Variants in SUSD4 observed in about 807,000 individuals in gnomAD.
SUSD4 encodes the protein sushi domain containing 4.
Under a neutral mutation model 50.5 loss-of-function variants are expected in SUSD4, and 41 were observed. The observed-to-expected ratio is 0.81, with a 90% CI of 0.63 to 1.05. The LOEUF (loss-of-function observed/expected upper bound fraction) is 1.05, where lower values mean the gene tolerates loss of function less well. Ranked by LOEUF, SUSD4 falls within the 50% of genes least tolerant of loss-of-function variation. The pLI is 0.00. For synonymous variants in SUSD4, 257 were observed against 257.3 expected, an observed-to-expected ratio of 1.00 and a Z score of 0.01; for missense variants, 580 against 634.7, an observed-to-expected ratio of 0.91 and a Z score of 0.93.
At chr1:223,345,444 T>G (rs1667976299) in intron 2 of SUSD4, among the ~76,000 whole-genome samples, 1 of 152,098 alleles carries the variant, frequency 6.6e-6, no homozygotes, top group South Asian at 2.1e-4. Context: ...GCCCTGACGC[T>G]CCCTCTGATC....
intron 3 of SUSD4, among the ~76,000 whole-genome samples, chr1:223,281,265 C>T (rs1240141947): frequency 6.6e-6 from 1 of 151,926 alleles, no homozygotes; most frequent in African/African-American, 2.4e-5. Context: ...AATAGAGGCA[C>T]AAAAAACCCT....
intron 3 of SUSD4, among the ~76,000 whole-genome samples, chr1:223,287,488 A>G (rs1463137853): frequency 6.6e-6 from 1 of 152,100 alleles, no homozygotes; most frequent in Non-Finnish European, 1.5e-5. Context: ...CAGAGGAAGA[A>G]TTTCCTGAAA....
rs1416652470 is a variant in SUSD4, at chr1:223,332,014, A to T, written c.148+31264T>A. On this transcript the variant is annotated intron_variant, in intron 2 of 8. Transcript: ENST00000366878. This position sits in a 1 kb window ranked among gnomAD's most constrained non-coding sequence, Gnocchi z 4.0. ...CCTGTGTTCTGCTTCATGAAATCCC[A>T]ATGTGGCATTTCTGGAGGGCTTCCT... 6.6e-6 allele frequency among the ~76,000 whole-genome samples: 1 copy of T among 152,174 alleles called. No homozygotes were observed. Among genetic ancestry groups the T allele is most frequent in the East Asian group, 1.9e-4 (1 of 5,188 alleles).
chr1:223,344,776 C>T (rs1667940882), intron 2 of SUSD4, among the ~76,000 whole-genome samples: 1 of 152,170 alleles, frequency 6.6e-6, no homozygotes, highest in South Asian at 2.1e-4. Flanking sequence ...AAGCAGGCCG[C>T]CCTAACATGA....
chr1:223,258,928 C>T (rs1661896020), intron 5 of SUSD4, among the ~76,000 whole-genome samples: 1 of 152,160 alleles, frequency 6.6e-6, no homozygotes, highest in Non-Finnish European at 1.5e-5. Context: ...CTTTCGAAAC[C>T]ATGGAGACCT....
At chr1:223,334,492 C>G (rs1019903266) in intron 2 of SUSD4, among the ~76,000 whole-genome samples, 1 of 152,054 alleles carries the variant, frequency 6.6e-6, no homozygotes, top group Non-Finnish European at 1.5e-5. Context: ...TCCAAACTGA[C>G]AAGGCTATAA....
intron 2 of SUSD4, among the ~76,000 whole-genome samples, chr1:223,351,148 C>A (rs1572120315): frequency 6.6e-6 from 1 of 152,252 alleles, no homozygotes; most frequent in African/African-American, 2.4e-5. Flanking sequence ...AAGGGGCTTG[C>A]CCCACATATA....
intron 2 of SUSD4, among the ~76,000 whole-genome samples, chr1:223,297,888 G>C (rs1317240349): frequency 6.6e-6 from 1 of 152,142 alleles, no homozygotes; most frequent in Non-Finnish European, 1.5e-5. Flanking sequence ...ATGGATGGAT[G>C]GATAGATGGA....
At chr1:223,320,425 G>A (rs1340818429) in intron 2 of SUSD4, among the ~76,000 whole-genome samples, 1 of 151,918 alleles carries the variant, frequency 6.6e-6, no homozygotes, top group Non-Finnish European at 1.5e-5. Context: ...GCTCCCTCTG[G>A]GCCTGAGCTA....
At position 223,288,219 on chromosome 1, in the gene SUSD4, G is replaced by A. The variant is rs138658365; in HGVS notation, c.361+4220C>T. Among the ~76,000 whole-genome samples the A allele has an allele frequency of 2.2e-3, 331 of 152,236 alleles. 3 individuals are homozygous for A. The highest frequency in any genetic ancestry group is 7.6e-3 in the African/African-American group (315 of 41,534). On this transcript the variant is annotated intron_variant, in intron 3 of 8. Transcript: ENST00000366878. ...CTCATGCTGTTCTCGTGATAGTGAG[G>A]GAGTTCTCATGAGATCTGATGGTTT...
At chr1:223,259,564 TGCTGTTTCCAG>T (rs1481381817) in intron 5 of SUSD4, among the ~76,000 whole-genome samples, 2 of 152,240 alleles carry the variant, frequency 1.3e-5, no homozygotes, top group Non-Finnish European at 2.9e-5. Flanking sequence ...AGCACCTCTG[TGCTGTTTCCAG>T]GCTGTCTGAA....
rs964247886 is a variant in SUSD4, at chr1:223,363,542, C to G, written c.-35-82G>C. On this transcript the variant is annotated intron_variant, in intron 1 of 8. Transcript: ENST00000366878. ...GCTCCCCCTCCTCCGCTCTGGGACCCGGCGCCTCGGCTTCCCAGGCTCCAT... is the reference window on the plus strand; with the variant it reads ...GCTCCCCCTCCTCCGCTCTGGGACCGGGCGCCTCGGCTTCCCAGGCTCCAT... 3.7e-6 allele frequency: 5 copies of G among 1,335,942 alleles called. No homozygotes were observed. In the African/African-American group the frequency reaches 4.5e-5, roughly 12 times the overall value. The allele number at this position is 1,335,942 out of a possible 1,614,324, so 82.8% of individuals were successfully genotyped here. A position where few individuals can be genotyped will look rare whatever the true frequency, so the allele number is the denominator to read the frequency against.
At position 223,229,096 on chromosome 1, in the gene SUSD4, T is replaced by G; in HGVS notation, c.916+101A>C. On this transcript the variant is annotated intron_variant, in intron 6 of 8. Transcript: ENST00000366878. This position sits in a 1 kb window ranked among gnomAD's most constrained non-coding sequence, Gnocchi z 4.7. The stretch of plus-strand genomic sequence containing the variant: ...TCGATATCCTGTTCCTGACACTGGG[T>G]GGGGGAGGAGAGATACAGCTTGGTA... 1 of 1,182,612 alleles carries G rather than the reference T, an allele frequency of 8.5e-7. No homozygotes were observed. The highest frequency in any genetic ancestry group is 1.2e-6 in the Non-Finnish European group (1 of 841,496). The allele number at this position is 1,182,612 out of a possible 1,614,324, so 73.3% of individuals were successfully genotyped here. A position where few individuals can be genotyped will look rare whatever the true frequency, so the allele number is the denominator to read the frequency against.
chr1:223,312,646 T>C (rs934264551), intron 2 of SUSD4, among the ~76,000 whole-genome samples: 2 of 152,170 alleles, frequency 1.3e-5, no homozygotes, highest in African/African-American at 4.8e-5. Flanking sequence ...CAAATGCAAT[T>C]TGAGAATGAC....
At chr1:223,321,417 G>C (rs1269967628) in intron 2 of SUSD4, among the ~76,000 whole-genome samples, 2 of 152,180 alleles carry the variant, frequency 1.3e-5, no homozygotes, top group Non-Finnish European at 2.9e-5. Flanking sequence ...GCTGTTACGA[G>C]GTTTAAAGGA....
chr1:223,318,849 A>G (rs1666395923), intron 2 of SUSD4, among the ~76,000 whole-genome samples: 4 of 108,622 alleles, frequency 3.7e-5, no homozygotes, highest in African/African-American at 1.5e-4. Flanking sequence ...TCGCCAAGTC[A>G]ATCCTAAGCC....
chr1:223,277,923 G>A (rs1469808477), intron 3 of SUSD4, among the ~76,000 whole-genome samples: 6 of 152,152 alleles, frequency 3.9e-5, no homozygotes, highest in Non-Finnish European at 7.3e-5. Context: ...AAATTAGTGA[G>A]TCTCAAACAT....
intron 5 of SUSD4, among the ~76,000 whole-genome samples, chr1:223,233,947 A>G (rs1660055065): frequency 6.6e-6 from 1 of 152,236 alleles, no homozygotes; most frequent in Admixed American, 6.5e-5. Flanking sequence ...GCTGACACTC[A>G]GCCAGAAACG....
intron 3 of SUSD4, among the ~76,000 whole-genome samples, chr1:223,274,331 G>A (rs1663116894): frequency 6.6e-6 from 1 of 152,200 alleles, no homozygotes; most frequent in African/African-American, 2.4e-5. Flanking sequence ...AGAGATGACT[G>A]GAGAGAGAGG....
Sources: allele counts gnomAD v4.1 joint callset (sites outside exome capture counted in the v4.1 genomes callset), GRCh38; gene constraint gnomAD v4.1.1; non-coding constraint Gnocchi (gnomAD v3.1); transcripts MANE v1.5; gene names NCBI Gene and HGNC (gene_info 2026-07-23, HGNC 2026-07-21).